Variants in DCC observed in about 807,000 individuals in gnomAD.
DCC encodes the protein DCC netrin 1 receptor.
A neutral mutation model predicts 172.5 loss-of-function variants in DCC; 58 were observed. That is an observed-to-expected ratio of 0.34 (90% confidence interval 0.27 to 0.42). The LOEUF (loss-of-function observed/expected upper bound fraction) is 0.42, where lower values mean the gene tolerates loss of function less well. DCC is among the 10% of genes least tolerant of loss of function. DCC has a pLI of 1.00. For synonymous variants in DCC, 709 were observed against 644.5 expected, an observed-to-expected ratio of 1.10 and a Z score of -1.52; for missense variants, 1,740 against 1,791.0, an observed-to-expected ratio of 0.97 and a Z score of 0.51.
chr18:52,360,817 G>C (rs1048361148), intron 1 of DCC, among the ~76,000 whole-genome samples: 3 of 152,170 alleles, frequency 2.0e-5, no homozygotes, highest in Non-Finnish European at 4.4e-5. Context: ...CAAATGTTTA[G>C]TTCCTGAATT....
intron 1 of DCC, among the ~76,000 whole-genome samples, chr18:52,595,424 C>A (rs759799271): frequency 2.6e-5 from 4 of 152,168 alleles, no homozygotes; most frequent in Admixed American, 6.5e-5. Flanking sequence ...TCTATATTAA[C>A]AGCATCAAAC....
intron 5 of DCC, among the ~76,000 whole-genome samples, chr18:53,003,409 A>G (rs1222033408): frequency 3.4e-5 from 5 of 147,458 alleles, no homozygotes; most frequent in South Asian, 2.2e-4. Flanking sequence ...ATCTAAGGGG[A>G]GAGATTTTGG....
chr18:53,200,697 G>C (rs140213582), intron 9 of DCC, among the ~76,000 whole-genome samples: 1 of 152,122 alleles, frequency 6.6e-6, no homozygotes, highest in Non-Finnish European at 1.5e-5. Flanking sequence ...ACGGAAGTGT[G>C]TGTGTGGTTG....
chr18:53,207,041 C>T (rs945245226), intron 10 of DCC, among the ~76,000 whole-genome samples: 4 of 151,900 alleles, frequency 2.6e-5, no homozygotes, highest in African/African-American at 9.7e-5. Context: ...TCTGTTTTAT[C>T]TGCCTTTCTA....
At chr18:53,320,111 C>T (rs1489592764) in intron 13 of DCC, among the ~76,000 whole-genome samples, 1 of 131,842 alleles carries the variant, frequency 7.6e-6, no homozygotes, top group East Asian at 2.4e-4. Flanking sequence ...CTCACTCTGT[C>T]ACCCAGGCTG....
intron 1 of DCC, among the ~76,000 whole-genome samples, chr18:52,546,733 C>G (rs1008407348): frequency 6.6e-6 from 1 of 152,012 alleles, no homozygotes; most frequent in Non-Finnish European, 1.5e-5. Flanking sequence ...CCAGGTATCT[C>G]GAGACCTTGT....
chr18:53,010,269 C>T (rs779997592), intron 5 of DCC, among the ~76,000 whole-genome samples: 44 of 152,004 alleles, frequency 2.9e-4, no homozygotes, highest in African/African-American at 8.9e-4. Flanking sequence ...AAAATGCCCA[C>T]GCTTTTCTAA....
intron 7 of DCC, among the ~76,000 whole-genome samples, chr18:53,108,726 C>G (rs4296324): frequency 0.37 from 55,300 of 151,296 alleles, 11,076 homozygotes; most frequent in Non-Finnish European, 0.45. Flanking sequence ...TCTGGGCATT[C>G]TTTTGGGAGA....
chr18:53,109,243 T>C (rs1295132556), intron 7 of DCC, among the ~76,000 whole-genome samples: 1 of 151,458 alleles, frequency 6.6e-6, no homozygotes, highest in Non-Finnish European at 1.5e-5. Flanking sequence ...TTGATAGGTT[T>C]TCCATGTGTA....
chr18:53,489,705 G>T (rs544100633), intron 26 of DCC, among the ~76,000 whole-genome samples: 4 of 152,072 alleles, frequency 2.6e-5, no homozygotes, highest in Admixed American at 1.3e-4. Context: ...CCTTCTGAAG[G>T]CACAAATAAA....
At chr18:53,329,366 T>C (rs2057505726) in intron 14 of DCC, among the ~76,000 whole-genome samples, 1 of 152,078 alleles carries the variant, frequency 6.6e-6, no homozygotes, top group Non-Finnish European at 1.5e-5. Context: ...TGTTATTGAA[T>C]ATTTGAATAT....
chr18:53,319,119 A>C (rs1162297301), intron 13 of DCC, among the ~76,000 whole-genome samples: 1 of 152,202 alleles, frequency 6.6e-6, no homozygotes, highest in African/African-American at 2.4e-5. Context: ...GAAGCACTAA[A>C]TATGGAAAGG....
intron 1 of DCC, among the ~76,000 whole-genome samples, chr18:52,678,610 A>C (rs944081078): frequency 1.3e-5 from 2 of 152,182 alleles, no homozygotes; most frequent in African/African-American, 4.8e-5. Context: ...AAAATGCTCT[A>C]AAGCATTAGT....
chr18:53,140,695 TTTG>T (rs2043817056), intron 7 of DCC, among the ~76,000 whole-genome samples: 3 of 152,084 alleles, frequency 2.0e-5, no homozygotes, highest in Admixed American at 2.0e-4. Flanking sequence ...AAAATTGATT[TTTG>T]TATAAAGACT....
At chr18:52,465,727 G>A (rs373185584) in intron 1 of DCC, among the ~76,000 whole-genome samples, 24 of 150,470 alleles carry the variant, frequency 1.6e-4, no homozygotes, top group African/African-American at 5.1e-4. Flanking sequence ...GAGTACACAC[G>A]TTCTCTAACT....
chr18:53,000,490 G>A (rs1331218222), intron 5 of DCC, among the ~76,000 whole-genome samples: 3 of 151,066 alleles, frequency 2.0e-5, no homozygotes, highest in East Asian at 3.9e-4. Flanking sequence ...AAGTTCTATA[G>A]GTTTTTTCGG....
At chr18:52,557,861 T>C (rs1227868469) in intron 1 of DCC, among the ~76,000 whole-genome samples, 1 of 152,192 alleles carries the variant, frequency 6.6e-6, no homozygotes, top group Admixed American at 6.6e-5. Flanking sequence ...GTTTTAGCCA[T>C]GTTGGCTAGA....
At chr18:53,438,012 T>C (rs898340728) in intron 22 of DCC, among the ~76,000 whole-genome samples, 1 of 152,144 alleles carries the variant, frequency 6.6e-6, no homozygotes, top group African/African-American at 2.4e-5. Context: ...GTTGCTGAAA[T>C]TGGGAGAAAC....
intron 7 of DCC, among the ~76,000 whole-genome samples, chr18:53,141,104 T>A (rs2144348916): frequency 6.6e-6 from 1 of 152,258 alleles, no homozygotes; most frequent in South Asian, 2.1e-4. Context: ...TTAAAAAAAA[T>A]TATGTCAGAG....
Sources: allele counts gnomAD v4.1 joint callset (sites outside exome capture counted in the v4.1 genomes callset), GRCh38; gene constraint gnomAD v4.1.1; transcripts MANE v1.5; gene names NCBI Gene and HGNC (gene_info 2026-07-23, HGNC 2026-07-21).